NUBPL: variants seen among roughly 807,000 people sequenced by gnomAD.
The protein encoded by NUBPL is NUBP iron-sulfur cluster assembly factor, mitochondrial.
NUBPL carries 31 observed loss-of-function variants against 45.7 expected under a neutral mutation model. The ratio of observed to expected loss-of-function variants is 0.68; its 90% CI spans 0.51 to 0.92. NUBPL has a LOEUF of 0.92. Among genes scored for constraint, NUBPL ranks in the 40% least tolerant of loss-of-function variants. NUBPL has a pLI of 0.00. For missense variants in NUBPL, 401 were observed against 398.7 expected (o/e 1.01, Z -0.05); for synonymous variants, 144 against 140.9 (o/e 1.02, Z -0.15).
At chr14:31,680,528 C>A (rs1182519199) in intron 6 of NUBPL, among the ~76,000 whole-genome samples, 1 of 151,756 alleles carries the variant, frequency 6.6e-6, no homozygotes, top group Non-Finnish European at 1.5e-5. Flanking sequence ...GTTATTTATT[C>A]TCACTGATTT....
intron 6 of NUBPL, among the ~76,000 whole-genome samples, chr14:31,779,863 G>A (rs181819673): frequency 9.2e-5 from 14 of 152,256 alleles, no homozygotes; most frequent in Admixed American, 6.5e-4. Context: ...AAGCCAAACC[G>A]AGGCAGGTTT....
At chr14:31,782,126 G>A (rs746168443) in intron 6 of NUBPL, among the ~76,000 whole-genome samples, 3 of 152,152 alleles carry the variant, frequency 2.0e-5, no homozygotes, top group Non-Finnish European at 4.4e-5. Context: ...GCCAGGTGCA[G>A]TGCCTGACGC....
At position 31,707,785 on chromosome 14, in the gene NUBPL, T is replaced by C. The variant is rs371232830; in HGVS notation, c.513+34211T>C. Among the ~76,000 whole-genome samples, 354 of 152,272 alleles carry C rather than the reference T, an allele frequency of 2.3e-3. 1 individual carries two copies. Among genetic ancestry groups the C allele is most frequent in the African/African-American group, 8.1e-3 (337 of 41,564 alleles). On this transcript the variant is annotated intron_variant, in intron 6 of 10. Coordinates refer to ENST00000281081, the MANE Select transcript of NUBPL (RefSeq NM_025152.3). ...GCTAGAAAGTTCAAGAGATCTAGAG[T>C]AGCTTGCTGGCACGAGGCTTCTGAA...
Position 31,570,354 on chromosome 14 carries a change from C to T in NUBPL, c.291+5306C>T, listed in dbSNP as rs567337104. 1.1e-4 allele frequency among the ~76,000 whole-genome samples: 16 copies of T among 152,154 alleles called. No homozygotes were observed. The South Asian group carries it at 3.3e-3, about 32-fold the overall frequency. On this transcript the variant is annotated intron_variant, in intron 3 of 10. Transcript: ENST00000281081. ...TCATAACAGAGTAGACACCAGTGTA[C>T]TCTTAAAGGTTTTATAATCTGATAA...
rs576534744 is a variant in NUBPL, at chr14:31,611,069, G to A, written c.382+11690G>A. Among the ~76,000 whole-genome samples, 10 of 152,264 alleles carry A rather than the reference G, an allele frequency of 6.6e-5. No individual in the cohort carries two copies. In the South Asian group the frequency reaches 8.3e-4, roughly 13 times the overall value. ...ACTGTTATTCAACATAGTACTGGAAGTCATAGCTAGAGCAATCAGACAAGA... is the reference window on the plus strand; with the variant it reads ...ACTGTTATTCAACATAGTACTGGAAATCATAGCTAGAGCAATCAGACAAGA... On this transcript the variant is annotated intron_variant, in intron 4 of 10. Transcript: ENST00000281081.
intron 4 of NUBPL, among the ~76,000 whole-genome samples, chr14:31,602,451 T>C (rs2034467172): frequency 6.6e-6 from 1 of 151,290 alleles, no homozygotes; most frequent in Admixed American, 6.6e-5. Context: ...GAATCATTTC[T>C]ATAATTCGCT....
In NUBPL at chr14:31,666,253, A is replaced by T. The variant is rs1476685251; in HGVS notation, c.383-7102A>T. Among the ~76,000 whole-genome samples, 225 of 37,638 alleles carry T rather than the reference A, an allele frequency of 6.0e-3. 4 individuals are homozygous for T. The highest frequency in any genetic ancestry group is 0.031 in the African/African-American group (181 of 5,858). 24.7% of individuals were successfully genotyped at this position (37,638 alleles called of 152,430 possible). Reference sequence around the variant, plus strand: ...GATATATATATATATATATATATATATATATATATAATTTTATTTTATTTT... The same window carrying T: ...GATATATATATATATATATATATATTTATATATATAATTTTATTTTATTTT... On this transcript the variant is annotated intron_variant, in intron 4 of 10. Transcript: ENST00000281081.
intron 4 of NUBPL, among the ~76,000 whole-genome samples, chr14:31,658,819 T>C (rs2036203334): frequency 6.6e-6 from 1 of 152,182 alleles, no homozygotes; most frequent in Non-Finnish European, 1.5e-5. Context: ...CTTTAATAGC[T>C]ATTTACTGTG....
chr14:31,652,061 G>A (rs1214414084), intron 4 of NUBPL, among the ~76,000 whole-genome samples: 1 of 151,998 alleles, frequency 6.6e-6, no homozygotes, highest in Admixed American at 6.6e-5. Context: ...TGAATGAATG[G>A]ATAAAGAAAA....
intron 10 of NUBPL, among the ~76,000 whole-genome samples, chr14:31,852,810 T>C (rs2040558145): frequency 6.6e-6 from 1 of 152,160 alleles, no homozygotes; most frequent in African/African-American, 2.4e-5. Context: ...CAGTTAGTCT[T>C]GTGATGAATC....
intron 4 of NUBPL, among the ~76,000 whole-genome samples, chr14:31,599,701 A>G (rs1388259275): frequency 1.3e-5 from 2 of 150,894 alleles, no homozygotes; most frequent in Non-Finnish European, 3.0e-5. Flanking sequence ...AATAAAAACA[A>G]TATAATTATT....
intron 2 of NUBPL, among the ~76,000 whole-genome samples, chr14:31,563,128 TC>T (rs1247472476): frequency 1.3e-5 from 2 of 152,216 alleles, no homozygotes; most frequent in African/African-American, 4.8e-5. Context: ...AGGTTTACAA[TC>T]CATCTGGTTG....
In NUBPL at chr14:31,859,189, G is replaced by A. The variant is rs774778951; in HGVS notation, c.*9G>A. On this transcript the variant is annotated 3_prime_UTR_variant, in exon 11 of 11. Transcript: ENST00000281081. Reference sequence around the variant, plus strand: ...CATCACCTTCAGAATGATTCCCCAAGTGTCCTGGAAATTTGCCTGGTACTG... The same window carrying A: ...CATCACCTTCAGAATGATTCCCCAAATGTCCTGGAAATTTGCCTGGTACTG... 4 of 1,613,046 alleles carry A rather than the reference G, an allele frequency of 2.5e-6. No homozygotes were observed. Among genetic ancestry groups the A allele is most frequent in the Admixed American group, 3.3e-5 (2 of 60,014 alleles).
intron 7 of NUBPL, among the ~76,000 whole-genome samples, chr14:31,816,391 T>A (rs952440187): frequency 2.7e-4 from 41 of 152,196 alleles, no homozygotes; most frequent in African/African-American, 9.4e-4. Context: ...CTTTATCATT[T>A]TTTATTGTGT....
At chr14:31,828,855 C>T (rs991848071) in intron 8 of NUBPL, among the ~76,000 whole-genome samples, 15 of 152,256 alleles carry the variant, frequency 9.9e-5, no homozygotes, top group Non-Finnish European at 1.6e-4. Flanking sequence ...GACAGATAAT[C>T]CTTATGGAAC....
chr14:31,645,671 A>G (rs996871669), intron 4 of NUBPL, among the ~76,000 whole-genome samples: 7 of 152,212 alleles, frequency 4.6e-5, no homozygotes, highest in Admixed American at 3.3e-4. Context: ...GAGACTTGCA[A>G]AAAAACATAA....
chr14:31,698,488 C>G (rs537851160), intron 6 of NUBPL, among the ~76,000 whole-genome samples: 1 of 152,130 alleles, frequency 6.6e-6, no homozygotes, highest in South Asian at 2.1e-4. Flanking sequence ...CCAGAGATTG[C>G]CAGATGATTC....
At chr14:31,744,664 C>T (rs1265253767) in intron 6 of NUBPL, among the ~76,000 whole-genome samples, 4 of 141,150 alleles carry the variant, frequency 2.8e-5, no homozygotes, top group South Asian at 2.3e-4. Flanking sequence ...CTCTGTCACC[C>T]GGGCTGGAAT....
chr14:31,650,208 G>C (rs983293823), intron 4 of NUBPL, among the ~76,000 whole-genome samples: 7 of 151,792 alleles, frequency 4.6e-5, no homozygotes, highest in Non-Finnish European at 1.0e-4. Flanking sequence ...AGTTTGTATT[G>C]ATATAAGTTC....
Sources: gnomAD v4.1 joint callset for allele counts (sites outside exome capture counted in the v4.1 genomes callset) on GRCh38, gnomAD v4.1.1 for gene constraint, MANE v1.5 for transcripts, NCBI Gene and HGNC (gene_info 2026-07-23, HGNC 2026-07-21) for gene names.